Variants in LRRD1 observed in about 807,000 individuals in gnomAD.
The protein encoded by LRRD1 is leucine rich repeats and death domain containing 1.
LRRD1 carries 49 observed loss-of-function variants against 69.5 expected under a neutral mutation model. The observed-to-expected ratio is 0.70, with a 90% CI of 0.56 to 0.89. The LOEUF (loss-of-function observed/expected upper bound fraction) is 0.89, where lower values mean the gene tolerates loss of function less well. Among genes scored for constraint, LRRD1 ranks in the 40% least tolerant of loss-of-function variants. LRRD1 has a pLI of 0.00. For synonymous variants in LRRD1, 303 were observed against 338.9 expected, an observed-to-expected ratio of 0.89 and a Z score of 1.16; for missense variants, 853 against 956.0, an observed-to-expected ratio of 0.89 and a Z score of 1.42.
At chr7:92,176,944 GTATA>G (rs57132257) in intron 1 of LRRD1, among the ~76,000 whole-genome samples, 2 of 142,528 alleles carry the variant, frequency 1.4e-5, no homozygotes, top group African/African-American at 2.6e-5. Context: ...GTTTGTGTGT[GTATA>G]TATATATATA....
At chr7:92,175,773 CACATGGA>C (rs1789182402) in intron 1 of LRRD1, among the ~76,000 whole-genome samples, 1 of 152,136 alleles carries the variant, frequency 6.6e-6, no homozygotes, top group African/African-American at 2.4e-5. Flanking sequence ...GTTTTTAATC[CACATGGA>C]AATGATTTTG....
At chr7:92,154,723 TG>T (rs1441075631) in intron 3 of LRRD1, among the ~76,000 whole-genome samples, 1 of 152,254 alleles carries the variant, frequency 6.6e-6, no homozygotes, top group African/African-American at 2.4e-5. Context: ...TGTTTTATTT[TG>T]TTTTGTTTTG....
At position 92,164,196 on chromosome 7, in the gene LRRD1, T is replaced by TTGTG. The variant is rs1345528738; in HGVS notation, c.1003_1006dup (p.Asn336ThrfsTer3). On this transcript the variant is annotated frameshift_variant, in exon 2 of 6. Transcript: ENST00000458448. LOFTEE classifies it high-confidence loss of function. ...TTCTACAGCCAGAAAGGTAAGCTTA[T>TTGTG]TGTGATCCATTAAAAGTGTTTCTAA... The TTGTG allele has an allele frequency of 6.5e-7, 1 of 1,549,650 alleles. No homozygotes were observed. Among genetic ancestry groups the TTGTG allele is most frequent in the Middle Eastern group, 1.7e-4 (1 of 5,966 alleles).
intron 1 of LRRD1, among the ~76,000 whole-genome samples, chr7:92,171,638 A>T (rs1789059458): frequency 6.6e-6 from 1 of 152,192 alleles, no homozygotes; most frequent in African/African-American, 2.4e-5. Flanking sequence ...TCCTCAAAAA[A>T]ACTGAAGAGG....
intron 1 of LRRD1, among the ~76,000 whole-genome samples, chr7:92,165,882 A>AAC (rs1788897457): frequency 6.6e-6 from 1 of 151,586 alleles, no homozygotes. Context: ...AAAAAAAAAA[A>AAC]AGGTAACATA....
Position 92,144,856 on chromosome 7 carries a change from A to G in LRRD1, c.*32T>C, listed in dbSNP as rs551051256. ...CACAGTTTCAATTATAAGTGCATCA[A>G]AAGTTTTCAGTTTTTATTATTGATC... On this transcript the variant is annotated 3_prime_UTR_variant, in exon 6 of 6. Coordinates refer to ENST00000458448, the MANE Select transcript of LRRD1 (RefSeq NM_001161528.2). 1.0e-5 allele frequency: 14 copies of G among 1,357,850 alleles called. No individual in the cohort carries two copies. Among genetic ancestry groups the G allele is most frequent in the African/African-American group, 2.9e-5 (2 of 68,866 alleles). 84.1% of individuals were successfully genotyped at this position (1,357,850 alleles called of 1,614,324 possible).
At chr7:92,168,603 G>A (rs1788977217) in intron 1 of LRRD1, among the ~76,000 whole-genome samples, 1 of 150,936 alleles carries the variant, frequency 6.6e-6, no homozygotes, top group African/African-American at 2.4e-5. Context: ...TAGAACCAAG[G>A]CAAACCTAGG....
chr7:92,146,302 A>G, intron 4 of LRRD1, 102 bp from the exon 5 acceptor site: 1 of 624,494 alleles, frequency 1.6e-6, no homozygotes, highest in Non-Finnish European at 2.7e-6. Context: ...TCTATGAAAT[A>G]TATATGTTAA....
At chr7:92,160,621 C>T (rs1431549671) in intron 2 of LRRD1, among the ~76,000 whole-genome samples, 1 of 151,812 alleles carries the variant, frequency 6.6e-6, no homozygotes, top group Non-Finnish European at 1.5e-5. Context: ...CAAGACCAGC[C>T]GACCAACATG....
intron 3 of LRRD1, among the ~76,000 whole-genome samples, chr7:92,153,922 C>T (rs924765663): frequency 4.0e-5 from 6 of 150,690 alleles, no homozygotes; most frequent in African/African-American, 9.7e-5. Context: ...CTGTAACCTC[C>T]GCTTCCTGGG....
At chr7:92,161,317 T>A (rs1788791065) in intron 2 of LRRD1, among the ~76,000 whole-genome samples, 1 of 152,280 alleles carries the variant, frequency 6.6e-6, no homozygotes, top group African/African-American at 2.4e-5. Context: ...GGGATATTCT[T>A]TTTGACAGGA....
At position 92,164,743 on chromosome 7, in the gene LRRD1, G is replaced by C. The variant is rs527874612; in HGVS notation, c.460C>G (p.Gln154Glu). 238 of 1,551,028 alleles carry C rather than the reference G, an allele frequency of 1.5e-4. 2 individuals are homozygous for C. The South Asian group carries it at 2.7e-3, about 18-fold the overall frequency. The stretch of plus-strand genomic sequence containing the variant: ...TTTAAAATGTCCTTAGGAAATTCCT[G>C]TAAACCCTTGGCCTCAAGGTTAACT... Reference protein sequence around the residue: ...FTVNLEAKGLQEFPKDILKIK... With the variant: ...FTVNLEAKGLEEFPKDILKIK... Residue 154 changes from glutamine to glutamate, a missense_variant, in exon 2 of 6, where the codon CAG becomes GAG. By Grantham distance (29) the Gln-to-Glu change is conservative (BLOSUM62 2). Coordinates refer to ENST00000458448, the MANE Select transcript of LRRD1 (RefSeq NM_001161528.2).
intron 1 of LRRD1, among the ~76,000 whole-genome samples, chr7:92,172,341 A>G (rs1201824319): frequency 6.6e-6 from 1 of 152,192 alleles, no homozygotes; most frequent in Non-Finnish European, 1.5e-5. Context: ...AGTCCTGCCC[A>G]CATAATTAGG....
At chr7:92,145,374 A>G (rs1295825814) in intron 5 of LRRD1, among the ~76,000 whole-genome samples, 2 of 151,446 alleles carry the variant, frequency 1.3e-5, no homozygotes, top group African/African-American at 4.9e-5. Context: ...AGTTCTCAAG[A>G]CCTCAAAATC....
intron 3 of LRRD1, among the ~76,000 whole-genome samples, chr7:92,153,071 CTTTTT>C (rs1788548862): frequency 6.6e-6 from 1 of 151,756 alleles, no homozygotes; most frequent in African/African-American, 2.4e-5. Context: ...TTCTTTCTTT[CTTTTT>C]TATTTTGAGA....
intron 4 of LRRD1, among the ~76,000 whole-genome samples, chr7:92,147,335 T>C (rs1820353678): frequency 6.6e-6 from 1 of 152,196 alleles, no homozygotes; most frequent in African/African-American, 2.4e-5. Flanking sequence ...CCCAAAGTGC[T>C]GGGATTAAAG....
Position 92,164,903 on chromosome 7 carries a change from T to G in LRRD1, c.300A>C (p.Leu100Phe), listed in dbSNP as rs765958717. The change falls in exon 2 of 6, where the codon TTA becomes TTC. Residue 100 changes from leucine (L) to phenylalanine (F), a missense_variant. This residue lies in a region of LRRD1 where 99 missense variants were observed against 107.0 expected (regional missense o/e 0.92). Coordinates refer to ENST00000458448, the MANE Select transcript of LRRD1 (RefSeq NM_001161528.2). ...TSTRTGTSQS[L>F]SSLTGRTAEY... ...CTGCAGTCCTCCCAGTTAGTGATGA[T>G]AAACTCTGTGAAGTTCCTGTTCTAG... 7.1e-6 allele frequency: 11 copies of G among 1,551,496 alleles called. No individual in the cohort carries two copies. In the South Asian group the frequency reaches 1.2e-4, roughly 17 times the overall value.
downstream of LRRD1, chr7:92,142,407 G>C: frequency 8.8e-6 from 4 of 453,528 alleles, no homozygotes; most frequent in South Asian, 6.3e-5. Flanking sequence ...TCCAGCTCTC[G>C]GCAGACTACT....
chr7:92,178,600 G>A (rs986737735), intron 1 of LRRD1, among the ~76,000 whole-genome samples: 2 of 151,882 alleles, frequency 1.3e-5, no homozygotes, highest in African/African-American at 4.8e-5. Flanking sequence ...AACCCAGGAG[G>A]CAGAGGTTGC....
Sources: gnomAD v4.1 joint callset for allele counts (sites outside exome capture counted in the v4.1 genomes callset) on GRCh38, gnomAD v4.1.1 for gene constraint, gnomAD v4.1.1 regional missense constraint, MANE v1.5 for transcripts, NCBI Gene and HGNC (gene_info 2026-07-23, HGNC 2026-07-21) for gene names.